Variants in PPP2R2D observed in about 807,000 individuals in gnomAD.
PPP2R2D encodes protein phosphatase 2 regulatory subunit Bdelta, also known as serine/threonine-protein phosphatase 2A 55 kDa regulatory subunit B delta isoform.
A neutral mutation model predicts 31.1 loss-of-function variants in PPP2R2D; 9 were observed. That is an observed-to-expected ratio of 0.29 (90% CI 0.17 to 0.51). The LOEUF is 0.51. PPP2R2D is among the 20% of genes least tolerant of loss of function. The pLI is 0.98. For synonymous variants in PPP2R2D, 179 were observed against 172.6 expected (o/e 1.04, Z -0.29); for missense variants, 391 against 465.6 (o/e 0.84, Z 1.48).
intron 2 of PPP2R2D, among the ~76,000 whole-genome samples, chr10:131,915,937 T>C (rs1054464047): frequency 6.6e-6 from 1 of 152,244 alleles, no homozygotes; most frequent in Admixed American, 6.5e-5. Flanking sequence ...GTTTTTACTT[T>C]AACCATTCTC....
the PPP2R2D span, chr10:131,967,875 A>G: frequency 6.6e-6 from 1 of 152,286 alleles, no homozygotes; most frequent in African/African-American, 2.4e-5. Context: ...AAAACTGATC[A>G]TCCAGGGTGA....
chr10:131,906,636 T>C (rs1293486997), intron 2 of PPP2R2D, among the ~76,000 whole-genome samples: 1 of 151,972 alleles, frequency 6.6e-6, no homozygotes. Context: ...GAATGTAAGA[T>C]AATGTCTGGC....
intron 2 of PPP2R2D, among the ~76,000 whole-genome samples, chr10:131,923,576 C>G (rs1463770154): frequency 6.6e-6 from 1 of 152,142 alleles, no homozygotes; most frequent in Non-Finnish European, 1.5e-5. Flanking sequence ...AATGTATGAA[C>G]AGTTTTTCTT....
rs1034197474 is a variant in PPP2R2D, at chr10:131,907,635, G to T, written c.100+6305G>T. Among the ~76,000 whole-genome samples, 19 of 152,036 alleles carry T rather than the reference G, an allele frequency of 1.2e-4. No individual in the cohort carries two copies. The East Asian group carries it at 3.5e-3, about 28-fold the overall frequency. The stretch of plus-strand genomic sequence containing the variant: ...GCGGGCACCTGTAGTCCCAGCTACT[G>T]GGGAGGCTGAGGCAGGAGAATGGCA... On this transcript the variant is annotated intron_variant, in intron 2 of 8. Transcript: ENST00000455566.
chr10:131,914,389 A>G (rs1056869579), intron 2 of PPP2R2D, among the ~76,000 whole-genome samples: 18 of 152,182 alleles, frequency 1.2e-4, no homozygotes, highest in Non-Finnish European at 2.2e-4. Context: ...TTAAAGCAAT[A>G]ATAATGTTCC....
Position 131,945,567 on chromosome 10 carries a change from C to A in PPP2R2D, c.820+108C>A. The A allele has an allele frequency of 7.4e-7, 1 of 1,348,986 alleles. No individual in the cohort carries two copies. The highest frequency in any genetic ancestry group is 1.0e-6 in the Non-Finnish European group (1 of 1,001,020). 83.6% of individuals were successfully genotyped at this position (1,348,986 alleles called of 1,614,324 possible). A position where few individuals can be genotyped will look rare whatever the true frequency, so the allele number is the denominator to read the frequency against. On this transcript the variant is annotated intron_variant, in intron 7 of 8. Coordinates refer to ENST00000455566, the MANE Select transcript of PPP2R2D (RefSeq NM_018461.5). The surrounding 1 kb of genome is among the most constrained non-coding windows in gnomAD (Gnocchi z 4.8). ...CTCCGCCTCCCGGGTTCCAGCAAGT[C>A]TTCTGCCTCGGCCTCCCGAGTAGCT... is the stretch of plus-strand genomic sequence containing the variant.
rs138689482 is a variant in PPP2R2D at position 131,956,294 on chromosome 10, A to C, written c.*331A>C. On this transcript the variant is annotated 3_prime_UTR_variant, in exon 9 of 9. Transcript: ENST00000455566. ...GACCAAAAAATTAACATCCAAGAGA[A>C]AAGTTATTGTCAGATACCGCTCTTT... The C allele has an allele frequency of 1.1e-3, 1,110 of 1,027,782 alleles. 10 individuals carry two copies. The African/African-American group carries it at 0.018, about 16-fold the overall frequency. 63.7% of individuals were successfully genotyped at this position (1,027,782 alleles called of 1,614,324 possible). A position where few individuals can be genotyped will look rare whatever the true frequency, so the allele number is the denominator to read the frequency against.
At chr10:131,968,458 T>A in the PPP2R2D span, 9 of 1,318,818 alleles carry the variant, frequency 6.8e-6, no homozygotes, top group Non-Finnish European at 9.8e-6. Flanking sequence ...TAACAGCTCT[T>A]CAGTGAGCTA....
At chr10:131,932,996 AC>A (rs1554895905) in intron 2 of PPP2R2D, among the ~76,000 whole-genome samples, 1 of 152,190 alleles carries the variant, frequency 6.6e-6, no homozygotes, top group Non-Finnish European at 1.5e-5. Context: ...AATTTTATAC[AC>A]CCTCTGGGTA....
chr10:131,911,974 TC>T, intron 2 of PPP2R2D: 1 of 152,196 alleles, frequency 6.6e-6, no homozygotes, highest in Non-Finnish European at 1.5e-5. Context: ...GAGCGGAAGT[TC>T]CTCTTCATCC....
chr10:131,927,560 A>G (rs573027638), intron 2 of PPP2R2D, among the ~76,000 whole-genome samples: 6 of 152,220 alleles, frequency 3.9e-5, no homozygotes, highest in African/African-American at 1.4e-4. Context: ...GGTCCCAGAT[A>G]TGCAGTACTG....
chr10:131,927,677 A>G (rs2036132970), intron 2 of PPP2R2D, among the ~76,000 whole-genome samples: 1 of 152,152 alleles, frequency 6.6e-6, no homozygotes, highest in Non-Finnish European at 1.5e-5. Flanking sequence ...CCCAGCTGGC[A>G]TCGCACATCG....
At chr10:131,920,945 A>G (rs1271360140) in intron 2 of PPP2R2D, among the ~76,000 whole-genome samples, 1 of 152,214 alleles carries the variant, frequency 6.6e-6, no homozygotes, top group African/African-American at 2.4e-5. Flanking sequence ...AAAAAGTGAA[A>G]CAGGAATCTC....
At chr10:131,940,800 G>A in intron 5 of PPP2R2D, 106 bp downstream of exon 5, 1 of 617,926 alleles carries the variant, frequency 1.6e-6, no homozygotes, top group East Asian at 2.8e-5. Flanking sequence ...GAGGTCTGCT[G>A]TGAGGTCTGC....
At chr10:131,944,270 C>A in intron 6 of PPP2R2D, 125 bp downstream of exon 6, 1 of 728,672 alleles carries the variant, frequency 1.4e-6, no homozygotes, top group Non-Finnish European at 2.2e-6. Context: ...TGCACAGCAG[C>A]CTGTGATGTA....
chr10:131,937,622 C>T (rs2036367569), intron 3 of PPP2R2D, among the ~76,000 whole-genome samples: 1 of 152,174 alleles, frequency 6.6e-6, no homozygotes, highest in Non-Finnish European at 1.5e-5. Context: ...AGCCTGCAGC[C>T]TAGGGACCAT....
chr10:131,964,664 A>ATTTTTT (rs782297365), downstream of PPP2R2D, among the ~76,000 whole-genome samples: 392 of 126,712 alleles, frequency 3.1e-3, 2 homozygotes, highest in Non-Finnish European at 4.8e-3. Context: ...AGAGTTTACT[A>ATTTTTT]TGTTTTTTTT....
chr10:131,970,742 C>T, the PPP2R2D span: 1 of 1,614,240 alleles, frequency 6.2e-7, no homozygotes, highest in Non-Finnish European at 8.5e-7. This position sits in a 1 kb window ranked among gnomAD's most constrained non-coding sequence, Gnocchi z 4.1. Flanking sequence ...TCGTGTTCCT[C>T]ATGCTGAGGG....
Position 131,926,532 on chromosome 10 carries a change from G to A in PPP2R2D, c.101-7926G>A, listed in dbSNP as rs571647033. ...GCTCCACAAAACATTAAAAAAGGTA[G>A]ACAATTTCCCACTTTTCTTGTCTGT... On this transcript the variant is annotated intron_variant, in intron 2 of 8. Transcript: ENST00000455566. Among the ~76,000 whole-genome samples the A allele has an allele frequency of 1.6e-4, 24 of 152,264 alleles. 1 individual carries two copies. The highest frequency in any genetic ancestry group is 5.5e-4 in the African/African-American group (23 of 41,526).
Sources: allele counts gnomAD v4.1 joint callset (sites outside exome capture counted in the v4.1 genomes callset), GRCh38; gene constraint gnomAD v4.1.1; non-coding constraint Gnocchi (gnomAD v3.1); transcripts MANE v1.5; gene names NCBI Gene and HGNC (gene_info 2026-07-23, HGNC 2026-07-21).